The following DGKB variants were observed in gnomAD, a reference collection of about 807,000 sequenced individuals.
DGKB encodes the protein 90 kDa diacylglycerol kinase.
In DGKB, 67 loss-of-function variants were observed where a neutral mutation model predicts 114.3. That is an observed-to-expected ratio of 0.59 (90% CI 0.48 to 0.72). The LOEUF (loss-of-function observed/expected upper bound fraction) is 0.72. DGKB is among the 30% of genes least tolerant of loss of function. DGKB has a pLI of 0.00. For missense variants in DGKB, 907 were observed against 975.2 expected, an observed-to-expected ratio of 0.93 and a Z score of 0.93; for synonymous variants, 398 against 323.1, an observed-to-expected ratio of 1.23 and a Z score of -2.49.
In DGKB at chr7:14,319,593, T is replaced by C. The variant is rs374985783; in HGVS notation, c.2122+18922A>G. On this transcript the variant is annotated intron_variant, in intron 23 of 25. Coordinates refer to ENST00000402815, the MANE Select transcript of DGKB (RefSeq NM_001350709.2). ...GGATTTTCAATAATTTTTAAGAGTA[T>C]GAAGGGATCCTGAGACTAAAAGTTT... 3.9e-5 allele frequency among the ~76,000 whole-genome samples: 6 copies of C among 152,230 alleles called. No individual in the cohort carries two copies. In the East Asian group the frequency reaches 7.7e-4, roughly 20 times the overall value.
chr7:14,965,963 A>T (rs1300937570), intron 1 of DGKB, among the ~76,000 whole-genome samples: 1 of 152,062 alleles, frequency 6.6e-6, no homozygotes, highest in Non-Finnish European at 1.5e-5. Flanking sequence ...TATCCTCCCA[A>T]ATCTGATACC....
At chr7:14,607,918 G>C (rs1238658228) in intron 16 of DGKB, among the ~76,000 whole-genome samples, 1 of 151,630 alleles carries the variant, frequency 6.6e-6, no homozygotes, top group East Asian at 1.9e-4. Flanking sequence ...GTCCTCTATA[G>C]ATCTCTGATA....
At chr7:14,262,951 C>T (rs1402243379) in intron 23 of DGKB, among the ~76,000 whole-genome samples, 1 of 151,888 alleles carries the variant, frequency 6.6e-6, no homozygotes, top group East Asian at 1.9e-4. Flanking sequence ...TCCCATTACA[C>T]ATCAAGGAAG....
intron 20 of DGKB, among the ~76,000 whole-genome samples, chr7:14,541,463 G>C (rs1171522228): frequency 6.6e-6 from 1 of 152,148 alleles, no homozygotes; most frequent in Non-Finnish European, 1.5e-5. Flanking sequence ...GAATAAGCAA[G>C]TCATAAACAG....
chr7:14,748,201 A>T (rs534630750), intron 4 of DGKB, among the ~76,000 whole-genome samples: 89 of 152,340 alleles, frequency 5.8e-4, no homozygotes, highest in African/African-American at 1.9e-3. Flanking sequence ...AGATGTTACT[A>T]GAACACACAA....
intron 23 of DGKB, among the ~76,000 whole-genome samples, chr7:14,301,431 C>A (rs1319443645): frequency 6.6e-6 from 1 of 152,052 alleles, no homozygotes; most frequent in Non-Finnish European, 1.5e-5. Flanking sequence ...AAATACCATA[C>A]CCAGTCAAGA....
At chr7:14,857,242 C>A (rs888712606) in intron 1 of DGKB, among the ~76,000 whole-genome samples, 1 of 47,522 alleles carries the variant, frequency 2.1e-5, no homozygotes, top group Non-Finnish European at 3.5e-5. Context: ...TCCACCCAAC[C>A]CCCTGCTGTG....
chr7:14,565,559 G>A (rs1475278068), intron 20 of DGKB, among the ~76,000 whole-genome samples: 1 of 152,070 alleles, frequency 6.6e-6, no homozygotes, highest in African/African-American at 2.4e-5. Flanking sequence ...CTCAAACTGA[G>A]CATGTCTTTA....
chr7:14,898,282 C>T (rs187673787), intron 1 of DGKB, among the ~76,000 whole-genome samples: 93 of 152,054 alleles, frequency 6.1e-4, no homozygotes, highest in Non-Finnish European at 9.4e-4. Flanking sequence ...CAACATTGTG[C>T]GAACTGTGGA....
intron 23 of DGKB, among the ~76,000 whole-genome samples, chr7:14,246,784 A>T (rs1446262913): frequency 2.6e-5 from 4 of 152,024 alleles, no homozygotes; most frequent in African/African-American, 9.7e-5. Context: ...TTAACATATC[A>T]TCTCACATTG....
At chr7:14,331,575 T>C (rs1562951679) in intron 23 of DGKB, among the ~76,000 whole-genome samples, 1 of 152,084 alleles carries the variant, frequency 6.6e-6, no homozygotes. Context: ...GAATAACTTT[T>C]ACAAGGTATA....
intron 20 of DGKB, among the ~76,000 whole-genome samples, chr7:14,508,250 A>G (rs902460946): frequency 1.3e-4 from 20 of 152,214 alleles, no homozygotes; most frequent in Non-Finnish European, 2.6e-4. Flanking sequence ...TGGCTCTATT[A>G]AATATTCTTC....
At chr7:14,319,207 C>A (rs1265706280) in intron 23 of DGKB, among the ~76,000 whole-genome samples, 3 of 151,534 alleles carry the variant, frequency 2.0e-5, no homozygotes, top group Non-Finnish European at 2.9e-5. Flanking sequence ...TTAGTGGGTG[C>A]AGCACACCAG....
chr7:14,545,397 G>C (rs995547926), intron 20 of DGKB, among the ~76,000 whole-genome samples: 4 of 152,138 alleles, frequency 2.6e-5, no homozygotes, highest in Admixed American at 6.5e-5. Context: ...ATTGCCAAAA[G>C]CATGGACGCA....
intron 23 of DGKB, among the ~76,000 whole-genome samples, chr7:14,320,904 T>C (rs1332162294): frequency 6.6e-6 from 1 of 152,130 alleles, no homozygotes; most frequent in Non-Finnish European, 1.5e-5. Context: ...ATTTTAAATG[T>C]AATATTAATA....
chr7:14,831,996 G>T (rs759491191), intron 2 of DGKB, among the ~76,000 whole-genome samples: 1 of 151,856 alleles, frequency 6.6e-6, no homozygotes, highest in Non-Finnish European at 1.5e-5. Flanking sequence ...AAAAAGAAAA[G>T]ATAGTAGAAC....
intron 20 of DGKB, among the ~76,000 whole-genome samples, chr7:14,484,266 A>C (rs1007285704): frequency 6.6e-6 from 1 of 152,172 alleles, no homozygotes; most frequent in Admixed American, 6.6e-5. Context: ...AAAACTCTAG[A>C]GGTAAAAATT....
chr7:14,924,230 T>C (rs1365897340), intron 1 of DGKB, among the ~76,000 whole-genome samples: 1 of 152,158 alleles, frequency 6.6e-6, no homozygotes, highest in East Asian at 1.9e-4. Flanking sequence ...AACAGGTATT[T>C]TCTCTGGGCA....
intron 23 of DGKB, among the ~76,000 whole-genome samples, chr7:14,272,022 T>C (rs1306654031): frequency 2.0e-5 from 3 of 152,222 alleles, no homozygotes; most frequent in Non-Finnish European, 1.5e-5. Flanking sequence ...TTCTATTGTC[T>C]CCTTTCCTTG....
Sources: gnomAD v4.1 joint callset for allele counts (sites outside exome capture counted in the v4.1 genomes callset) on GRCh38, gnomAD v4.1.1 for gene constraint, MANE v1.5 for transcripts, NCBI Gene and HGNC (gene_info 2026-07-23, HGNC 2026-07-21) for gene names.